Variants in JARID2 observed in about 807,000 individuals in gnomAD.
The protein encoded by JARID2 is jumonji and AT-rich interaction domain containing 2.
In JARID2, 21 loss-of-function variants were observed where a neutral mutation model predicts 125.6. The ratio of observed to expected loss-of-function variants is 0.17; its 90% CI spans 0.12 to 0.24. JARID2 has a LOEUF of 0.24. Among genes scored for constraint, JARID2 ranks in the 10% least tolerant of loss-of-function variants. The probability of loss-of-function intolerance (pLI) is 1.00; values close to 1 mark genes in which losing one functional copy is unlikely to be tolerated. For synonymous variants in JARID2, 736 were observed against 661.6 expected (o/e 1.11, Z -1.73); for missense variants, 1,303 against 1,639.6 (o/e 0.79, Z 3.55).
At position 15,329,392 on chromosome 6, in the gene JARID2, A is replaced by C. The variant is rs73726550; in HGVS notation, c.46-44725A>C. Among the ~76,000 whole-genome samples, 491 of 152,226 alleles carry C rather than the reference A, an allele frequency of 3.2e-3. 1 individual carries two copies. Among genetic ancestry groups the C allele is most frequent in the African/African-American group, 0.011 (464 of 41,532 alleles). ...GGTAGGGTTTATAGGGAGAGTTGAC[A>C]TCCTGCTGGGATCTAACAGAAAAGT... On this transcript the variant is annotated intron_variant, in intron 1 of 17. Coordinates refer to ENST00000341776, the MANE Select transcript of JARID2 (RefSeq NM_004973.4).
intron 1 of JARID2, among the ~76,000 whole-genome samples, chr6:15,284,221 C>T (rs530922182): frequency 3.3e-5 from 5 of 152,298 alleles, no homozygotes; most frequent in African/African-American, 9.6e-5. Context: ...ATCACCCTAC[C>T]CACTAAATTG....
At chr6:15,477,204 C>T (rs1769385589) in intron 5 of JARID2, among the ~76,000 whole-genome samples, 1 of 152,036 alleles carries the variant, frequency 6.6e-6, no homozygotes, top group South Asian at 2.1e-4. Context: ...GGCCAAAAAG[C>T]AATCATTTGG....
rs149857132 is a variant in JARID2 at position 15,477,228 on chromosome 6, A to G, written c.670+8510A>G. 3.9e-3 allele frequency among the ~76,000 whole-genome samples: 593 copies of G among 152,022 alleles called. 4 individuals carry two copies. Among genetic ancestry groups the G allele is most frequent in the Middle Eastern group, 0.02 (6 of 294 alleles). On this transcript the variant is annotated intron_variant, in intron 5 of 17. Coordinates refer to ENST00000341776, the MANE Select transcript of JARID2 (RefSeq NM_004973.4). ...GCAATCATTTGGACGAGTTTATCAC[A>G]TTTCTGCTCTGTGGTTGCCTTTGAG...
chr6:15,364,712 T>C (rs1763915557), intron 1 of JARID2, among the ~76,000 whole-genome samples: 1 of 152,196 alleles, frequency 6.6e-6, no homozygotes. Context: ...CGTAGTAAAA[T>C]GCACTATCAC....
chr6:15,308,557 TTAAA>T (rs940156926), intron 1 of JARID2, among the ~76,000 whole-genome samples: 75 of 152,218 alleles, frequency 4.9e-4, no homozygotes, highest in African/African-American at 1.8e-3. Context: ...TCCCCTGTGG[TTAAA>T]TAGTGACGGT....
intron 3 of JARID2, among the ~76,000 whole-genome samples, chr6:15,434,841 A>G (rs1767134350): frequency 2.0e-5 from 3 of 152,186 alleles, no homozygotes; most frequent in African/African-American, 4.8e-5. Context: ...TTTGCAGTCT[A>G]TATAACTCAT....
At chr6:15,444,276 A>T (rs1767571310) in intron 3 of JARID2, among the ~76,000 whole-genome samples, 1 of 152,222 alleles carries the variant, frequency 6.6e-6, no homozygotes. Flanking sequence ...CCTTGCGCTT[A>T]GAAGGATATG....
chr6:15,482,049 C>T (rs993494275), intron 5 of JARID2, among the ~76,000 whole-genome samples: 5 of 152,248 alleles, frequency 3.3e-5, no homozygotes, highest in East Asian at 3.9e-4. Context: ...GTTTCAGGTA[C>T]GGATACTGCA....
At chr6:15,379,644 C>A (rs1037159429) in intron 2 of JARID2, among the ~76,000 whole-genome samples, 6 of 152,192 alleles carry the variant, frequency 3.9e-5, no homozygotes, top group Non-Finnish European at 7.3e-5. Flanking sequence ...AAACTTACCC[C>A]GGGCAGTAGT....
intron 5 of JARID2, among the ~76,000 whole-genome samples, chr6:15,481,712 A>G (rs917188017): frequency 2.6e-5 from 4 of 152,180 alleles, no homozygotes; most frequent in Non-Finnish European, 5.9e-5. Context: ...CTGCTCTAAA[A>G]CAGCATGATG....
chr6:15,254,283 G>T (rs761134583), intron 1 of JARID2, among the ~76,000 whole-genome samples: 29 of 152,314 alleles, frequency 1.9e-4, no homozygotes, highest in Non-Finnish European at 3.4e-4. Context: ...CTGAGGCCCA[G>T]TGTGGGCTGC....
At chr6:15,337,387 C>T (rs1301273726) in intron 1 of JARID2, among the ~76,000 whole-genome samples, 1 of 152,258 alleles carries the variant, frequency 6.6e-6, no homozygotes, top group Non-Finnish European at 1.5e-5. Flanking sequence ...GACACAGGCA[C>T]TCATGGCTCA....
At chr6:15,499,362 C>T (rs1036967409) in intron 7 of JARID2, among the ~76,000 whole-genome samples, 1 of 152,226 alleles carries the variant, frequency 6.6e-6, no homozygotes, top group African/African-American at 2.4e-5. Context: ...GTAGCAGCCT[C>T]AAGGCCCTGA....
At chr6:15,313,098 C>A (rs964387324) in intron 1 of JARID2, among the ~76,000 whole-genome samples, 2 of 152,166 alleles carry the variant, frequency 1.3e-5, no homozygotes, top group African/African-American at 4.8e-5. Context: ...GAAAAGAATT[C>A]AGTGCTGTTA....
intron 13 of JARID2, 75 bp downstream of exon 13, chr6:15,511,476 C>G (rs141882431): frequency 8.9e-6 from 9 of 1,013,864 alleles, no homozygotes; most frequent in Non-Finnish European, 1.4e-5. Context: ...TTCCCATGAA[C>G]CCGCCTTTCA....
intron 3 of JARID2, among the ~76,000 whole-genome samples, chr6:15,421,424 A>AG (rs1766484912): frequency 1.3e-5 from 2 of 151,708 alleles, no homozygotes; most frequent in Admixed American, 1.3e-4. Context: ...AAAAAAAAAA[A>AG]GGTGAACAGC....
chr6:15,364,067 C>G (rs1763888639), intron 1 of JARID2, among the ~76,000 whole-genome samples: 1 of 152,146 alleles, frequency 6.6e-6, no homozygotes, highest in African/African-American at 2.4e-5. Context: ...GATAACCAGT[C>G]TTGTGACAAT....
chr6:15,440,906 T>C (rs1767418149), intron 3 of JARID2, among the ~76,000 whole-genome samples: 1 of 152,238 alleles, frequency 6.6e-6, no homozygotes, highest in African/African-American at 2.4e-5. Flanking sequence ...TCAGTTATAG[T>C]GAATCCTTTT....
intron 2 of JARID2, among the ~76,000 whole-genome samples, chr6:15,406,200 C>T (rs1233763584): frequency 2.0e-5 from 3 of 152,152 alleles, no homozygotes; most frequent in African/African-American, 4.8e-5. Context: ...CTTTGGGAGG[C>T]TGAGACAGGT....
Sources: gnomAD v4.1 joint callset for allele counts (sites outside exome capture counted in the v4.1 genomes callset) on GRCh38, gnomAD v4.1.1 for gene constraint, MANE v1.5 for transcripts, NCBI Gene and HGNC (gene_info 2026-07-23, HGNC 2026-07-21) for gene names.